PRDM2: variants seen among roughly 807,000 people sequenced by gnomAD.
PRDM2 encodes the protein PR domain zinc finger protein 2.
PRDM2 carries 30 observed loss-of-function variants against 130.0 expected under a neutral mutation model. The observed-to-expected ratio is 0.23, with a 90% CI of 0.17 to 0.31. PRDM2 has a LOEUF of 0.31. PRDM2 is among the 10% of genes least tolerant of loss of function. The pLI is 1.00. For missense variants in PRDM2, 2,011 were observed against 2,108.4 expected (o/e 0.95, Z 0.90); for synonymous variants, 871 against 782.4 (o/e 1.11, Z -1.89).
intron 4 of PRDM2, among the ~76,000 whole-genome samples, chr1:13,737,058 T>G (rs1247205861): frequency 3.3e-5 from 5 of 152,242 alleles, no homozygotes; most frequent in African/African-American, 4.8e-5. Context: ...ATCTCAGTTC[T>G]TCTGATTTCA....
rs1645386611 is a variant in PRDM2, at chr1:13,823,528, T to G, written c.*393T>G. 2 of 310,846 alleles carry G rather than the reference T, an allele frequency of 6.4e-6. No homozygotes were observed. Among genetic ancestry groups the G allele is most frequent in the African/African-American group, 4.3e-5 (2 of 46,722 alleles). The allele number at this position is 310,846 out of a possible 1,614,324, so 19.3% of individuals were successfully genotyped here. On this transcript the variant is annotated 3_prime_UTR_variant, in exon 10 of 10. Coordinates refer to ENST00000311066, the MANE Select transcript of PRDM2 (RefSeq NM_001393986.1). ...TTGCTTCTTGAGTTGTCTTTTGCCA[T>G]TATGGGGACTTTGGTTTGACCCAGG...
chr1:13,788,221 T>A, intron 8 of PRDM2: 1 of 610,476 alleles, frequency 1.6e-6, no homozygotes, highest in Non-Finnish European at 2.0e-6. Context: ...TTCACTTGTT[T>A]CTATTTGACA....
chr1:13,791,327 C>T (rs1202340995), intron 8 of PRDM2, among the ~76,000 whole-genome samples: 1 of 152,134 alleles, frequency 6.6e-6, no homozygotes, highest in Admixed American at 6.5e-5. Flanking sequence ...AAACTTCTAC[C>T]CCCATCACAG....
intron 8 of PRDM2, among the ~76,000 whole-genome samples, chr1:13,790,271 A>T (rs772415634): frequency 6.6e-6 from 1 of 152,220 alleles, no homozygotes; most frequent in Non-Finnish European, 1.5e-5. Flanking sequence ...TGTGTGCTTT[A>T]GGCCTCGCAG....
chr1:13,718,423 C>G (rs746477557), intron 2 of PRDM2, among the ~76,000 whole-genome samples: 1 of 152,168 alleles, frequency 6.6e-6, no homozygotes, highest in Non-Finnish European at 1.5e-5. Context: ...TTAGAAGAAG[C>G]AGTAGAGTCC....
chr1:13,749,462 G>C lies in PRDM2; in HGVS notation c.486G>C (p.Lys162Asn). ...AAGAGCGAGCCAGCGCCCGGAGCAA[G>C]CGGAGCTCCCCCAAGAGCCGGAAAG... The part of the protein sequence containing the change: ...IEEERASARS[K>N]RSSPKSRKGK... Residue 162 changes from lysine (K) to asparagine (N), a missense_variant, in exon 6 of 10, where the codon AAG (lysine) becomes AAC (asparagine). This residue lies in a region of PRDM2 where 1,288 missense variants were observed against 1,237.7 expected (regional missense o/e 1.04). Coordinates refer to ENST00000311066, the MANE Select transcript of PRDM2 (RefSeq NM_001393986.1). 1.3e-6 allele frequency: 2 copies of C among 1,498,258 alleles called. No individual in the cohort carries two copies. The highest frequency in any genetic ancestry group is 1.8e-6 in the Non-Finnish European group (2 of 1,110,892). The allele number at this position is 1,498,258 out of a possible 1,614,324, so 92.8% of individuals were successfully genotyped here.
Position 13,816,485 on chromosome 1 carries a change from C to A in PRDM2, c.5095C>A (p.Gln1699Lys). 2 of 1,614,104 alleles carry A rather than the reference C, an allele frequency of 1.2e-6. No homozygotes were observed. The highest frequency in any genetic ancestry group is 8.5e-7 in the Non-Finnish European group (1 of 1,179,972). The change falls in exon 9 of 10, where the codon CAG (glutamine) becomes AAG (lysine). Residue 1699 changes from glutamine to lysine, a missense_variant. Around this residue, in one of 5 missense-constraint regions of PRDM2, gnomAD observed 410 missense variants for 395.9 expected, o/e 1.04. Coordinates refer to ENST00000311066, the MANE Select transcript of PRDM2 (RefSeq NM_001393986.1). ...SPPAAPYITR[Q>K]YRKVKAPAAA... The stretch of plus-strand genomic sequence containing the variant: ...ACCAGCGGCCCCGTACATCACCAGG[C>A]AGTATAGGAAGGTCAAAGCTCCAGC...
chr1:13,765,957 T>A (rs1289088406), intron 6 of PRDM2, among the ~76,000 whole-genome samples: 1 of 152,236 alleles, frequency 6.6e-6, no homozygotes, highest in East Asian at 1.9e-4. Context: ...CCAAACCAGA[T>A]GTATCCTGAG....
Position 13,782,747 on chromosome 1 carries a change from G to T in PRDM2, c.4952G>T (p.Arg1651Leu). The change falls in exon 8 of 10, where the codon CGG (arginine) becomes CTG (leucine). Residue 1651 changes from arginine (R) to leucine (L), a missense_variant. Coordinates refer to ENST00000311066, the MANE Select transcript of PRDM2 (RefSeq NM_001393986.1). ...GAGCGGAGTGGGGGGCCAGTCACCC[G>T]GAGCCTTCAGCTGGCAGCTGCTGCT... Reference protein sequence around the residue: ...SRERSGGPVTRSLQLAAAADL... With the variant: ...SRERSGGPVTLSLQLAAAADL... 6.2e-7 allele frequency: 1 copy of T among 1,613,000 alleles called. No homozygotes were observed. Among genetic ancestry groups the T allele is most frequent in the Non-Finnish European group, 8.5e-7 (1 of 1,179,664 alleles).
chr1:13,783,436 G>A (rs1017965118), intron 8 of PRDM2, among the ~76,000 whole-genome samples: 2 of 152,178 alleles, frequency 1.3e-5, no homozygotes, highest in African/African-American at 4.8e-5. Flanking sequence ...GTCAGGATCT[G>A]GATGGGAAGC....
rs535521757 is a variant in PRDM2, at chr1:13,737,758, G to C, written c.232-4247G>C. Among the ~76,000 whole-genome samples, 7 of 152,170 alleles carry C rather than the reference G, an allele frequency of 4.6e-5. No individual in the cohort carries two copies. The East Asian group carries it at 1.4e-3, about 29-fold the overall frequency. The stretch of plus-strand genomic sequence containing the variant: ...GAACAGGTTTACTTGTACTCAGATT[G>C]GCAGCTTGGTCTGGTGTAAAAAAAA... On this transcript the variant is annotated intron_variant, in intron 4 of 9. Transcript: ENST00000311066.
rs1484345846 is a variant in PRDM2, at chr1:13,777,835, G to A, written c.623-583G>A. ...TAATAACTTGGCTAGGCTTAGAAGA[G>A]ATGATCTCCAAAGATTGTCTAGCTT... On this transcript the variant is annotated intron_variant, in intron 7 of 9. Coordinates refer to ENST00000311066, the MANE Select transcript of PRDM2 (RefSeq NM_001393986.1). 3.3e-5 allele frequency among the ~76,000 whole-genome samples: 5 copies of A among 151,688 alleles called. No individual in the cohort carries two copies. In the East Asian group the frequency reaches 9.7e-4, roughly 29 times the overall value.
intron 8 of PRDM2, among the ~76,000 whole-genome samples, chr1:13,793,329 G>A (rs1299303155): frequency 1.3e-5 from 2 of 152,250 alleles, no homozygotes; most frequent in East Asian, 3.8e-4. Context: ...GGTGATGACA[G>A]TGGACGCTTA....
At chr1:13,711,994 C>CT (rs1201699376) in intron 1 of PRDM2, among the ~76,000 whole-genome samples, 2 of 148,046 alleles carry the variant, frequency 1.4e-5, no homozygotes, top group Admixed American at 6.8e-5. Flanking sequence ...TTATTCTAAC[C>CT]TTTTTTTATT....
chr1:13,749,248 C>A, intron 5 of PRDM2, 113 bp from the exon 6 acceptor site: 1 of 1,035,692 alleles, frequency 9.7e-7, no homozygotes, highest in Non-Finnish European at 1.2e-6. Flanking sequence ...CGCGGCGCCG[C>A]CGACAGCTGT....
chr1:13,793,921 G>A (rs1455821867), intron 8 of PRDM2, among the ~76,000 whole-genome samples: 1 of 152,224 alleles, frequency 6.6e-6, no homozygotes, highest in African/African-American at 2.4e-5. Flanking sequence ...GGACAAGCTT[G>A]GTACCTGGGG....
intron 2 of PRDM2, among the ~76,000 whole-genome samples, chr1:13,720,294 T>C (rs964800104): frequency 1.3e-5 from 2 of 152,222 alleles, no homozygotes; most frequent in African/African-American, 2.4e-5. Flanking sequence ...AATGTTATGC[T>C]GTAGAGCAGA....
At chr1:13,755,984 G>A (rs548816683) in intron 6 of PRDM2, among the ~76,000 whole-genome samples, 1 of 151,832 alleles carries the variant, frequency 6.6e-6, no homozygotes, top group African/African-American at 2.4e-5. Context: ...GGGCGCAATG[G>A]CTCACACCTG....
At chr1:13,786,576 T>C (rs777204642) in intron 8 of PRDM2, 11 of 1,604,042 alleles carry the variant, frequency 6.9e-6, no homozygotes, top group Middle Eastern at 3.3e-4. Context: ...AAGTATTGCA[T>C]GCTCAACTTA....
Sources: allele counts gnomAD v4.1 joint callset (sites outside exome capture counted in the v4.1 genomes callset), GRCh38; gene constraint gnomAD v4.1.1; regional missense constraint gnomAD v4.1.1; transcripts MANE v1.5; gene names NCBI Gene and HGNC (gene_info 2026-07-23, HGNC 2026-07-21).